Variants in MYO18B observed in about 807,000 individuals in gnomAD.
The protein encoded by MYO18B is unconventional myosin-XVIIIb.
MYO18B carries 204 observed loss-of-function variants against 273.0 expected under a neutral mutation model. That is an observed-to-expected ratio of 0.75 (90% confidence interval 0.67 to 0.84). MYO18B has a LOEUF of 0.84. Ranked by LOEUF, MYO18B falls within the 40% of genes least tolerant of loss-of-function variation. The pLI is 0.00. For synonymous variants in MYO18B, 1,330 were observed against 1,305.7 expected (o/e 1.02, Z -0.40); for missense variants, 3,212 against 3,287.6 (o/e 0.98, Z 0.56).
At chr22:26,032,901 G>A (rs957976226), downstream of MYO18B, among the ~76,000 whole-genome samples, 9 of 152,102 alleles carry the variant, frequency 5.9e-5, no homozygotes, top group African/African-American at 2.2e-4. Flanking sequence ...AATTCAGCCT[G>A]TAACACACAA....
In MYO18B at chr22:25,822,190, C is replaced by G. The variant is rs568536195; in HGVS notation, c.2522-1315C>G. Among the ~76,000 whole-genome samples the G allele has an allele frequency of 8.7e-4, 133 of 152,330 alleles. 1 individual carries two copies. Among genetic ancestry groups the G allele is most frequent in the African/African-American group, 3.2e-3 (131 of 41,570 alleles). On this transcript the variant is annotated intron_variant, in intron 12 of 43. Transcript: ENST00000335473. ...TGGCATTCCTTTAACACACCATGCT[C>G]ATTTCTACCCCAGGGCCTTTGCACT...
At position 25,768,411 on chromosome 22, in the gene MYO18B, C is replaced by G. The variant is rs1402155701; in HGVS notation, c.495C>G (p.Ala165=). The change falls in exon 4 of 44, where the codon GCC becomes GCG. Residue 165 remains alanine, a synonymous_variant. Transcript: ENST00000335473. ...TGGCCAAGCTGGACCCGGACTCAGC[C>G]AAGCCAGAGAAGACTCATCCCCATG... ...LMVAKLDPDS[A]KPEKTHPHDA... 1 of 1,613,700 alleles carries G rather than the reference C, an allele frequency of 6.2e-7. No homozygotes were observed. The highest frequency in any genetic ancestry group is 1.7e-5 in the Admixed American group (1 of 59,988).
chr22:26,028,464 G>C (rs1936439823), intron 43 of MYO18B: 2 of 152,152 alleles, frequency 1.3e-5, no homozygotes, highest in Admixed American at 1.3e-4. Flanking sequence ...CATATGGAGA[G>C]AAACTGAGGC....
At chr22:25,898,856 C>G (rs2091870835) in intron 29 of MYO18B, 1 of 181,786 alleles carries the variant, frequency 5.5e-6, no homozygotes, top group Admixed American at 5.4e-5. Context: ...GATGTGTGAC[C>G]TTGAGCAGGT....
At chr22:26,014,903 G>GGT (rs1555994734) in intron 42 of MYO18B, among the ~76,000 whole-genome samples, 2 of 149,350 alleles carry the variant, frequency 1.3e-5, no homozygotes, top group African/African-American at 4.9e-5. Flanking sequence ...TTTTTAATGG[G>GGT]TTTTTTTTTT....
chr22:25,787,670 A>G (rs1302757470), intron 11 of MYO18B, among the ~76,000 whole-genome samples: 1 of 152,174 alleles, frequency 6.6e-6, no homozygotes, highest in African/African-American at 2.4e-5. Flanking sequence ...CTCATGCATG[A>G]AACAAGCTGG....
At chr22:25,940,014 C>A (rs2092625245) in intron 34 of MYO18B, among the ~76,000 whole-genome samples, 1 of 152,146 alleles carries the variant, frequency 6.6e-6, no homozygotes, top group South Asian at 2.1e-4. Context: ...ACAGCTCATG[C>A]TCATAACCTT....
chr22:25,799,130 T>TG (rs1331013495), intron 12 of MYO18B, among the ~76,000 whole-genome samples: 9 of 121,346 alleles, frequency 7.4e-5, no homozygotes, highest in Non-Finnish European at 1.5e-4. Context: ...GGTGTTTACG[T>TG]TTGTGTGTGT....
At chr22:25,932,774 A>C (rs1000946619) in intron 34 of MYO18B, among the ~76,000 whole-genome samples, 1 of 152,100 alleles carries the variant, frequency 6.6e-6, no homozygotes, top group Non-Finnish European at 1.5e-5. Flanking sequence ...AGCCAACTGC[A>C]TGTTTCTTTG....
At chr22:26,031,559 C>T (rs1258361326), downstream of MYO18B, among the ~76,000 whole-genome samples, 2 of 152,110 alleles carry the variant, frequency 1.3e-5, no homozygotes, top group Admixed American at 1.3e-4. Flanking sequence ...CTGTAAATAC[C>T]CTACCTTTAA....
intron 21 of MYO18B, among the ~76,000 whole-genome samples, chr22:25,865,527 A>G (rs1439432651): frequency 6.6e-6 from 1 of 152,230 alleles, no homozygotes; most frequent in Non-Finnish European, 1.5e-5. Flanking sequence ...AATAACTCCT[A>G]ACATTTATTG....
At chr22:25,919,682 G>GTGTGTGTGTGTGTGTGTGTGTGTA (rs1359500481) in intron 33 of MYO18B, among the ~76,000 whole-genome samples, 1 of 127,920 alleles carries the variant, frequency 7.8e-6, no homozygotes, top group Non-Finnish European at 1.8e-5. Context: ...GTGTGTATGT[G>GTGTGTGTGTGTGTGTGTGTGTGTA]TGTGTGTGTG....
chr22:25,850,821 C>T (rs945905961), intron 20 of MYO18B, among the ~76,000 whole-genome samples: 1 of 152,124 alleles, frequency 6.6e-6, no homozygotes, highest in Non-Finnish European at 1.5e-5. Flanking sequence ...TGTACAGCCC[C>T]CTCTGCCTAG....
chr22:26,052,568 T>C, the MYO18B span, among the ~76,000 whole-genome samples: 3 of 152,064 alleles, frequency 2.0e-5, no homozygotes, highest in African/African-American at 7.2e-5. Flanking sequence ...GGAAAACTCA[T>C]GAGGGGTGAG....
the MYO18B span, among the ~76,000 whole-genome samples, chr22:26,041,893 C>G: frequency 2.0e-5 from 3 of 152,212 alleles, no homozygotes; most frequent in Non-Finnish European, 2.9e-5. Flanking sequence ...ATGCCCAGCT[C>G]CCCTGGGTAA....
chr22:25,951,191 C>T (rs951168130), intron 37 of MYO18B, among the ~76,000 whole-genome samples: 1 of 152,240 alleles, frequency 6.6e-6, no homozygotes, highest in Non-Finnish European at 1.5e-5. Context: ...CTCACAGATA[C>T]ACCCAGGATC....
intron 11 of MYO18B, among the ~76,000 whole-genome samples, chr22:25,788,450 T>C (rs1276863976): frequency 6.6e-6 from 1 of 152,132 alleles, no homozygotes. Flanking sequence ...ATGTCCCAAA[T>C]ATTGCACAGG....
intron 28 of MYO18B, among the ~76,000 whole-genome samples, chr22:25,895,965 AT>A (rs1028643670): frequency 1.4e-5 from 2 of 143,466 alleles, no homozygotes; most frequent in African/African-American, 5.2e-5. Flanking sequence ...TTGTGTGTGT[AT>A]TTAGCTATTT....
intron 2 of MYO18B, chr22:25,763,024 G>T (rs774031835): frequency 1.3e-6 from 1 of 746,010 alleles, no homozygotes; most frequent in East Asian, 2.6e-5. Flanking sequence ...ATTCCTGGCT[G>T]CCCCTGTGTT....
Sources: gnomAD v4.1 joint callset for allele counts (sites outside exome capture counted in the v4.1 genomes callset) on GRCh38, gnomAD v4.1.1 for gene constraint, MANE v1.5 for transcripts, NCBI Gene and HGNC (gene_info 2026-07-23, HGNC 2026-07-21) for gene names.